SHISA9: variants seen among roughly 807,000 people sequenced by gnomAD.
SHISA9 encodes protein shisa-9.
In SHISA9, 13 loss-of-function variants were observed where a neutral mutation model predicts 38.0. That is an observed-to-expected ratio of 0.34 (90% CI 0.22 to 0.54). The LOEUF is 0.54. SHISA9 is among the 20% of genes least tolerant of loss of function. The probability of loss-of-function intolerance (pLI) is 0.91; values close to 1 mark genes in which losing one functional copy is unlikely to be tolerated. For synonymous variants in SHISA9, 275 were observed against 242.0 expected (o/e 1.14, Z -1.27); for missense variants, 538 against 575.8 (o/e 0.93, Z 0.67).
intron 2 of SHISA9, among the ~76,000 whole-genome samples, chr16:12,972,007 A>G (rs2072089674): frequency 6.7e-6 from 1 of 149,970 alleles, no homozygotes; most frequent in Non-Finnish European, 1.5e-5. Flanking sequence ...TATGGTTATA[A>G]GTAAATTAGG....
At chr16:13,423,973 T>G in the SHISA9 span, among the ~76,000 whole-genome samples, 2 of 152,218 alleles carry the variant, frequency 1.3e-5, no homozygotes, top group Non-Finnish European at 2.9e-5. Flanking sequence ...GCTCTGTCCC[T>G]TTTAAGGACT....
chr16:13,516,577 A>T, the SHISA9 span, among the ~76,000 whole-genome samples: 1 of 152,142 alleles, frequency 6.6e-6, no homozygotes, highest in East Asian at 1.9e-4. Context: ...AGGTGGGTGG[A>T]TTGCCTGAGG....
Position 13,235,262 on chromosome 16 carries a change from G to C in SHISA9, c.1128G>C (p.Gln376His). Residue 376 changes from glutamine (Q) to histidine (H), a missense_variant, in exon 5 of 5, where the codon CAG becomes CAC. Gln to His is a conservative substitution (Grantham distance 24). This residue lies in a region of SHISA9 where 326 missense variants were observed against 305.9 expected (regional missense o/e 1.07). Coordinates refer to ENST00000558583, the MANE Select transcript of SHISA9 (RefSeq NM_001145204.3). Reference sequence around the variant, plus strand: ...TTAAGGGCTGGGACCCCAACGAGCAGTCCCTCCGGCGGCAGGCTTACAGCA... The same window carrying C: ...TTAAGGGCTGGGACCCCAACGAGCACTCCCTCCGGCGGCAGGCTTACAGCA... ...TNFKGWDPNE[Q>H]SLRRQAYSNK... 1 of 1,551,720 alleles carries C rather than the reference G, an allele frequency of 6.4e-7. No individual in the cohort carries two copies. The highest frequency in any genetic ancestry group is 8.7e-7 in the Non-Finnish European group (1 of 1,147,016).
chr16:13,277,843 C>T, the SHISA9 span, among the ~76,000 whole-genome samples: 6 of 151,854 alleles, frequency 4.0e-5, no homozygotes, highest in African/African-American at 1.2e-4. Context: ...TCAAGGTAAA[C>T]GATCATATGG....
intron 2 of SHISA9, among the ~76,000 whole-genome samples, chr16:12,946,514 G>C (rs1217495523): frequency 6.6e-6 from 1 of 152,204 alleles, no homozygotes; most frequent in African/African-American, 2.4e-5. Context: ...CAGGGGAACA[G>C]AGCCAAGCAA....
chr16:13,231,716 C>G (rs2142085556), intron 4 of SHISA9, among the ~76,000 whole-genome samples: 1 of 152,284 alleles, frequency 6.6e-6, no homozygotes, highest in Non-Finnish European at 1.5e-5. Context: ...GGGCAGTAGT[C>G]CGAGTGGAGG....
the SHISA9 span, among the ~76,000 whole-genome samples, chr16:13,523,507 C>A: frequency 6.6e-6 from 1 of 152,040 alleles, no homozygotes; most frequent in Non-Finnish European, 1.5e-5. Context: ...GCAGAGTGTA[C>A]AGGAAGCATA....
rs2051374732 is a variant in SHISA9 at position 13,235,505 on chromosome 16, C to T, written c.*96C>T. 3 of 1,349,240 alleles carry T rather than the reference C, an allele frequency of 2.2e-6. No individual in the cohort carries two copies. The highest frequency in any genetic ancestry group is 3.0e-6 in the Non-Finnish European group (3 of 1,016,274). The allele number at this position is 1,349,240 out of a possible 1,614,324, so 83.6% of individuals were successfully genotyped here. ...CCTCCCCATCCTCCCCTAATACATG[C>T]GTCCACACACTCACTCTCAACAAGA... On this transcript the variant is annotated 3_prime_UTR_variant, in exon 5 of 5. Transcript: ENST00000558583.
intron 2 of SHISA9, among the ~76,000 whole-genome samples, chr16:12,978,511 C>A (rs1233343893): frequency 2.6e-5 from 4 of 152,164 alleles, no homozygotes; most frequent in African/African-American, 9.7e-5. Flanking sequence ...AACTGCAGAG[C>A]AACTGCCAGT....
chr16:13,405,382 A>T, the SHISA9 span, among the ~76,000 whole-genome samples: 1 of 152,224 alleles, frequency 6.6e-6, no homozygotes, highest in Non-Finnish European at 1.5e-5. Context: ...GCACTCACCC[A>T]GAAGATAGAA....
chr16:13,108,248 C>A (rs1018032895), intron 2 of SHISA9, among the ~76,000 whole-genome samples: 2 of 152,120 alleles, frequency 1.3e-5, no homozygotes, highest in African/African-American at 4.8e-5. Flanking sequence ...CCTACCTCAC[C>A]TTTTCGAGTA....
chr16:13,022,394 C>T (rs780428215), intron 2 of SHISA9, among the ~76,000 whole-genome samples: 5 of 151,894 alleles, frequency 3.3e-5, no homozygotes, highest in South Asian at 2.1e-4. Context: ...TGCAGTGGCA[C>T]GGTCTTGGCT....
At chr16:13,342,538 G>A in the SHISA9 span, among the ~76,000 whole-genome samples, 1,052 of 152,116 alleles carry the variant, frequency 6.9e-3, 17 homozygotes, top group African/African-American at 0.024. Context: ...CACCCCTCTC[G>A]GCCTTCTGAA....
chr16:12,908,701 G>A lies in SHISA9; in HGVS notation c.563+6074G>A, dbSNP rs2071138694. The A allele has an allele frequency of 6.7e-6, 10 of 1,494,762 alleles. No homozygotes were observed. In the South Asian group the frequency reaches 1.3e-4, roughly 20 times the overall value. The allele number at this position is 1,494,762 out of a possible 1,614,324, so 92.6% of individuals were successfully genotyped here. A position where few individuals can be genotyped will look rare whatever the true frequency, so the allele number is the denominator to read the frequency against. ...CTGCAAACAACAGCTCATGCATCGG[G>A]GCCAGTTCAAGAAGCTACCGTAAGA... On this transcript the variant is annotated intron_variant, in intron 1 of 4. Coordinates refer to ENST00000558583, the MANE Select transcript of SHISA9 (RefSeq NM_001145204.3).
intron 2 of SHISA9, among the ~76,000 whole-genome samples, chr16:12,994,966 T>C (rs1230357849): frequency 1.3e-5 from 2 of 152,184 alleles, no homozygotes; most frequent in Admixed American, 6.5e-5. Flanking sequence ...AAGAGAGTTC[T>C]GGGCTAAAGA....
At chr16:13,048,448 G>A (rs534827910) in intron 2 of SHISA9, among the ~76,000 whole-genome samples, 5 of 152,106 alleles carry the variant, frequency 3.3e-5, no homozygotes, top group East Asian at 1.9e-4. Flanking sequence ...TTGAGACGGA[G>A]TCTAGCTTTG....
At position 13,091,780 on chromosome 16, in the gene SHISA9, G is replaced by A. The variant is rs200541746; in HGVS notation, c.692-111614G>A. The stretch of plus-strand genomic sequence containing the variant: ...TAGCTCGGAGAAGTTTGTTACTACC[G>A]ACCTTCTGAAGCCTACTTCTGTCAA... On this transcript the variant is annotated intron_variant, in intron 2 of 4. Coordinates refer to ENST00000558583, the MANE Select transcript of SHISA9 (RefSeq NM_001145204.3). Among the ~76,000 whole-genome samples, 7 of 152,238 alleles carry A rather than the reference G, an allele frequency of 4.6e-5. No individual in the cohort carries two copies. In the East Asian group the frequency reaches 5.8e-4, roughly 13 times the overall value.
chr16:13,287,148 A>G, the SHISA9 span, among the ~76,000 whole-genome samples: 1 of 152,168 alleles, frequency 6.6e-6, no homozygotes, highest in South Asian at 2.1e-4. Context: ...GCCCTACAAT[A>G]AGATTAATAA....
intron 2 of SHISA9, among the ~76,000 whole-genome samples, chr16:12,934,884 CTT>C (rs1019178580): frequency 6.6e-6 from 1 of 152,134 alleles, no homozygotes; most frequent in African/African-American, 2.4e-5. Context: ...AAAGGGAAAT[CTT>C]TTGAAGAATA....
Sources: allele counts gnomAD v4.1 joint callset (sites outside exome capture counted in the v4.1 genomes callset), GRCh38; gene constraint gnomAD v4.1.1; regional missense constraint gnomAD v4.1.1; transcripts MANE v1.5; gene names NCBI Gene and HGNC (gene_info 2026-07-23, HGNC 2026-07-21).